Variants in PPFIBP2 observed in about 807,000 individuals in gnomAD.
PPFIBP2 encodes the protein PPFIB scaffold protein 2, also known as liprin-beta-2.
Under a neutral mutation model 118.3 loss-of-function variants are expected in PPFIBP2, and 118 were observed. The observed-to-expected ratio is 1.00, with a 90% CI of 0.86 to 1.16. PPFIBP2 has a LOEUF of 1.16. Ranked by LOEUF, PPFIBP2 falls within the 50% of genes most tolerant of loss-of-function variation. The probability of loss-of-function intolerance (pLI) is 0.00; values close to 1 mark genes in which losing one functional copy is unlikely to be tolerated. For synonymous variants in PPFIBP2, 414 were observed against 397.4 expected (o/e 1.04, Z -0.50); for missense variants, 1,195 against 1,073.1 (o/e 1.11, Z -1.59).
downstream of PPFIBP2, chr11:7,655,367 C>G (rs1251466454): frequency 2.5e-6 from 3 of 1,196,148 alleles, no homozygotes; most frequent in Non-Finnish European, 3.3e-6. Flanking sequence ...ACAGGACTTG[C>G]ATGCCATCTC....
the PPFIBP2 span, among the ~76,000 whole-genome samples, chr11:7,663,744 A>C: frequency 6.6e-6 from 1 of 151,408 alleles, no homozygotes; most frequent in Non-Finnish European, 1.5e-5. Context: ...CCCCTCCCCC[A>C]GCCTCGCTGC....
Position 7,639,816 on chromosome 11 carries a change from TCTC to T in PPFIBP2, c.1326_1328del (p.Pro443del), listed in dbSNP as rs143023559. 0.04 allele frequency: 63,999 copies of T among 1,614,030 alleles called. 1,456 individuals are homozygous for T. The highest frequency in any genetic ancestry group is 0.075 in the Admixed American group (4,514 of 59,982). ...CACGCCCAATGGAGAGGCTGCCAAA[TCTC>T]CTCCCACCATCTGCCAGCCTGACGC... is the stretch of plus-strand genomic sequence containing the variant. On this transcript the variant is annotated inframe_deletion, in exon 15 of 24. Transcript: ENST00000299492.
intron 7 of PPFIBP2, among the ~76,000 whole-genome samples, chr11:7,625,358 G>C (rs190764654): frequency 7.0e-4 from 107 of 152,294 alleles, no homozygotes; most frequent in African/African-American, 2.6e-3. Context: ...GCATGCACTT[G>C]TTATAGTGGT....
the PPFIBP2 span, chr11:7,665,431 C>T: frequency 4.3e-5 from 70 of 1,612,204 alleles, no homozygotes; most frequent in Admixed American, 3.4e-4. Context: ...TAGGGTGAGC[C>T]GCCGTCTGGA....
At chr11:7,618,392 G>A (rs1009312931) in intron 6 of PPFIBP2, among the ~76,000 whole-genome samples, 7 of 152,180 alleles carry the variant, frequency 4.6e-5, no homozygotes, top group African/African-American at 7.2e-5. Context: ...CAGAGGTCAC[G>A]GAGCCTGGAG....
intron 15 of PPFIBP2, chr11:7,641,149 C>G: frequency 8.8e-7 from 1 of 1,138,206 alleles, no homozygotes; most frequent in Non-Finnish European, 1.2e-6. Flanking sequence ...AGCACTCAGC[C>G]AGGGACCCAC....
chr11:7,653,749 T>G lies in PPFIBP2; in HGVS notation c.*531T>G. On this transcript the variant is annotated 3_prime_UTR_variant, in exon 24 of 24. Transcript: ENST00000299492. Reference sequence around the variant, plus strand: ...TTTCTTGTAATAAAAGCAATATTTATGCGGAAAGCAAGCAGCTCACCATAT... The same window carrying G: ...TTTCTTGTAATAAAAGCAATATTTAGGCGGAAAGCAAGCAGCTCACCATAT... The G allele has an allele frequency of 1.7e-6, 2 of 1,211,996 alleles. No individual in the cohort carries two copies. The highest frequency in any genetic ancestry group is 2.1e-6 in the Non-Finnish European group (2 of 954,386). 75.1% of individuals were successfully genotyped at this position (1,211,996 alleles called of 1,614,324 possible).
chr11:7,628,334 C>T lies in PPFIBP2; in HGVS notation c.876C>T (p.Ala292=). ...LKMGMETLLL[A]NEDKDRRIEE... is the part of the protein sequence containing the mutation. ...TGGGGATGGAAACTTTGCTGCTTGC[C>T]AATGAAGATAAGGTAAGATGGTCAT... Residue 292 remains alanine, a synonymous_variant, in exon 9 of 24, where the codon GCC becomes GCT. Coordinates refer to ENST00000299492, the MANE Select transcript of PPFIBP2 (RefSeq NM_003621.5). 1 of 1,613,868 alleles carries T rather than the reference C, an allele frequency of 6.2e-7. No homozygotes were observed. Among genetic ancestry groups the T allele is most frequent in the Non-Finnish European group, 8.5e-7 (1 of 1,179,844 alleles).
At chr11:7,552,872 A>G (rs907825315) in intron 2 of PPFIBP2, among the ~76,000 whole-genome samples, 2 of 151,892 alleles carry the variant, frequency 1.3e-5, no homozygotes, top group Admixed American at 1.3e-4. Context: ...CTGTTCTTGT[A>G]TCTTGTTTAT....
In PPFIBP2 at chr11:7,562,997, C is replaced by G. The variant is rs1045025254; in HGVS notation, c.65-2556C>G. Among the ~76,000 whole-genome samples, 3 of 130,862 alleles carry G rather than the reference C, an allele frequency of 2.3e-5. No individual in the cohort carries two copies. The East Asian group carries it at 7.0e-4, about 31-fold the overall frequency. The allele number at this position is 130,862 out of a possible 152,430, so 85.9% of individuals were successfully genotyped here. A position where few individuals can be genotyped will look rare whatever the true frequency, so the allele number is the denominator to read the frequency against. ...TATATACACGCACACACACATATGC[C>G]TGTAAAACTTGGCACAGATATACAT... On this transcript the variant is annotated intron_variant, in intron 2 of 23. Coordinates refer to ENST00000299492, the MANE Select transcript of PPFIBP2 (RefSeq NM_003621.5).
intron 5 of PPFIBP2, among the ~76,000 whole-genome samples, chr11:7,607,172 A>G (rs1687853609): frequency 6.7e-6 from 1 of 148,320 alleles, no homozygotes; most frequent in Non-Finnish European, 1.5e-5. Context: ...GGCCTCCCAA[A>G]GTGCTGGGAT....
intron 3 of PPFIBP2, among the ~76,000 whole-genome samples, chr11:7,582,873 G>C (rs376620257): frequency 6.6e-6 from 1 of 152,236 alleles, no homozygotes; most frequent in Admixed American, 6.5e-5. Context: ...ACCCAATCCT[G>C]TTCCAGCTCC....
chr11:7,649,289 G>A (rs757022380), intron 20 of PPFIBP2, 54 bp downstream of exon 20: 20 of 1,439,170 alleles, frequency 1.4e-5, no homozygotes, highest in Admixed American at 6.9e-5. Context: ...CTCAGCTCAC[G>A]TGTACCCATG....
chr11:7,663,110 A>C, the PPFIBP2 span, among the ~76,000 whole-genome samples: 1 of 130,096 alleles, frequency 7.7e-6, no homozygotes, highest in Admixed American at 7.9e-5. Context: ...CCCGTAGCTC[A>C]GAGTAATTTG....
chr11:7,630,292 C>T (rs1327932189), intron 10 of PPFIBP2, among the ~76,000 whole-genome samples: 1 of 152,230 alleles, frequency 6.6e-6, no homozygotes, highest in Non-Finnish European at 1.5e-5. Flanking sequence ...AGGGCCTCTG[C>T]CAGCCCTCAC....
chr11:7,617,077 G>C, intron 6 of PPFIBP2: 2 of 972,700 alleles, frequency 2.1e-6, no homozygotes, highest in Non-Finnish European at 2.4e-6. Flanking sequence ...GTCTGACCTG[G>C]AGTGCTTTTC....
chr11:7,659,462 T>A (rs10839834), downstream of PPFIBP2, among the ~76,000 whole-genome samples: 1 of 125,190 alleles, frequency 8.0e-6, no homozygotes, highest in Admixed American at 7.9e-5. Context: ...TGTAGATATG[T>A]GGCGTTATTT....
At chr11:7,528,095 A>G (rs1190185712) in intron 1 of PPFIBP2, among the ~76,000 whole-genome samples, 1 of 152,068 alleles carries the variant, frequency 6.6e-6, no homozygotes, top group African/African-American at 2.4e-5. Context: ...TGTTCTTTCC[A>G]CTTAATCTTG....
intron 1 of PPFIBP2, among the ~76,000 whole-genome samples, chr11:7,548,794 C>T (rs1283711229): frequency 6.6e-6 from 1 of 152,130 alleles, no homozygotes; most frequent in Non-Finnish European, 1.5e-5. Flanking sequence ...AACCTCAAAT[C>T]GTGCTGGGTA....
Sources: allele counts gnomAD v4.1 joint callset (sites outside exome capture counted in the v4.1 genomes callset), GRCh38; gene constraint gnomAD v4.1.1; transcripts MANE v1.5; gene names NCBI Gene and HGNC (gene_info 2026-07-23, HGNC 2026-07-21).